Variants in CHM observed in about 807,000 individuals in gnomAD.
The protein encoded by CHM is rab proteins geranylgeranyltransferase component A 1.
In CHM, 10 loss-of-function variants were observed where a neutral mutation model predicts 49.0. The ratio of observed to expected loss-of-function variants is 0.20; its 90% CI spans 0.13 to 0.35. The LOEUF (loss-of-function observed/expected upper bound fraction) is 0.35. Among genes scored for constraint, CHM ranks in the 10% least tolerant of loss-of-function variants. The pLI is 1.00. For missense variants in CHM, 455 were observed against 478.4 expected (o/e 0.95, Z 0.46); for synonymous variants, 184 against 167.5 (o/e 1.10, Z -0.76).
intron 5 of CHM, among the ~76,000 whole-genome samples, chrX:85,962,829 T>C (rs1287073552): frequency 9.0e-6 from 1 of 111,561 alleles, no homozygotes; most frequent in Non-Finnish European, 1.9e-5. Context: ...TGCAATATTG[T>C]ACGCTTCTAA....
chrX:85,877,944 G>A lies in CHM; in HGVS notation c.1609+1021C>T, dbSNP rs1924515959. Among the ~76,000 whole-genome samples, 3 of 111,648 alleles carry A rather than the reference G, an allele frequency of 2.7e-5. No homozygotes were observed. The South Asian group carries it at 1.1e-3, about 42-fold the overall frequency. ...GATATATAAATCAATGGAAGAAAAT[G>A]ATCAAGATTCAAGTGCACATGCAAA... On this transcript the variant is annotated intron_variant, in intron 13 of 14. Transcript: ENST00000357749.
At chrX:85,900,370 G>A (rs753770128) in intron 11 of CHM, among the ~76,000 whole-genome samples, 2 of 111,235 alleles carry the variant, frequency 1.8e-5, no homozygotes, top group South Asian at 7.5e-4. Context: ...AGGCAAAATG[G>A]GGAGACGTTG....
chrX:85,924,413 C>T (rs1349217613), intron 8 of CHM, among the ~76,000 whole-genome samples: 7 of 111,527 alleles, frequency 6.3e-5, no homozygotes, highest in Non-Finnish European at 1.9e-5. Context: ...AAAGCAGTCT[C>T]CCCCATGAAA....
chrX:86,034,013 T>A (rs1934139300), intron 1 of CHM, among the ~76,000 whole-genome samples: 1 of 111,644 alleles, frequency 9.0e-6, no homozygotes, highest in African/African-American at 3.3e-5. Flanking sequence ...CCTTTAGGGA[T>A]GGCTAATAAA....
At chrX:86,038,022 T>G (rs188790499) in intron 1 of CHM, among the ~76,000 whole-genome samples, 42 of 111,889 alleles carry the variant, frequency 3.8e-4, no homozygotes, top group African/African-American at 1.3e-3. Context: ...TGCACAAGTA[T>G]TTCAGTGGGA....
chrX:85,993,522 C>T (rs1210533861), intron 2 of CHM, among the ~76,000 whole-genome samples: 3 of 112,130 alleles, frequency 2.7e-5, no homozygotes, highest in Admixed American at 1.9e-4. Flanking sequence ...ATTCAATCTT[C>T]ACACTACTGC....
At chrX:85,924,255 C>G (rs781653134) in intron 8 of CHM, among the ~76,000 whole-genome samples, 1 of 111,213 alleles carries the variant, frequency 9.0e-6, no homozygotes, top group African/African-American at 3.3e-5. Context: ...AGATGGTGAC[C>G]TAAAGCAAGG....
chrX:85,972,640 C>T (rs1396196929), intron 4 of CHM, among the ~76,000 whole-genome samples: 3 of 112,742 alleles, frequency 2.7e-5, no homozygotes, highest in Non-Finnish European at 5.7e-5. Context: ...CAGGGCTGGC[C>T]GGCCGCTCCG....
chrX:85,979,788 C>T (rs948694924), intron 3 of CHM, among the ~76,000 whole-genome samples: 1 of 111,916 alleles, frequency 8.9e-6, no homozygotes, highest in African/African-American at 3.2e-5. Flanking sequence ...TTACAAATGT[C>T]ATAAAGGCAA....
At chrX:86,010,336 T>C (rs1398230514) in intron 2 of CHM, among the ~76,000 whole-genome samples, 50 of 101,490 alleles carry the variant, frequency 4.9e-4, no homozygotes, top group African/African-American at 1.8e-3. Context: ...ACATGTACCC[T>C]AGAACTTAAA....
intron 2 of CHM, among the ~76,000 whole-genome samples, chrX:86,016,493 G>A (rs949114174): frequency 5.3e-5 from 6 of 112,555 alleles, no homozygotes; most frequent in Admixed American, 2.8e-4. Context: ...TCCAGCCTTG[G>A]CTGAAAGGGG....
At chrX:85,934,147 A>AT (rs1928616753) in intron 8 of CHM, among the ~76,000 whole-genome samples, 1 of 108,602 alleles carries the variant, frequency 9.2e-6, no homozygotes, top group South Asian at 4.1e-4. Flanking sequence ...CACCAGTTTA[A>AT]TTTTTTGTAT....
At chrX:85,913,380 G>GAAAGAAAGAAAGAAAGA (rs1569411240) in intron 8 of CHM, among the ~76,000 whole-genome samples, 2 of 94,718 alleles carry the variant, frequency 2.1e-5, no homozygotes, top group Non-Finnish European at 4.3e-5. Context: ...AAGAAAGAAA[G>GAAAGAAAGAAAGAAAGA]AAAGAAAAAA....
intron 12 of CHM, among the ~76,000 whole-genome samples, chrX:85,892,876 A>C (rs1048085350): frequency 9.0e-6 from 1 of 111,615 alleles, no homozygotes; most frequent in Non-Finnish European, 1.9e-5. Context: ...CAGAACTCAC[A>C]TAACAATCTG....
intron 8 of CHM, among the ~76,000 whole-genome samples, chrX:85,945,841 T>C (rs1365133319): frequency 8.9e-6 from 1 of 111,822 alleles, no homozygotes; most frequent in Non-Finnish European, 1.9e-5. Context: ...TAAATGGCTC[T>C]GATCAAAATG....
intron 2 of CHM, among the ~76,000 whole-genome samples, chrX:86,018,794 T>C (rs752980487): frequency 3.6e-5 from 4 of 111,795 alleles, no homozygotes; most frequent in Non-Finnish European, 7.5e-5. Context: ...GCCAAAAGTT[T>C]ACAAACTGTA....
chrX:86,043,311 T>C (rs1220608482), intron 1 of CHM, among the ~76,000 whole-genome samples: 1 of 111,792 alleles, frequency 8.9e-6, no homozygotes, highest in Admixed American at 9.5e-5. Context: ...CTAAACACTA[T>C]CTAGCAAGAT....
chrX:85,909,433 A>G (rs191762668), intron 9 of CHM, among the ~76,000 whole-genome samples: 1 of 111,073 alleles, frequency 9.0e-6, no homozygotes, highest in East Asian at 2.8e-4. Context: ...AAAACTGCAA[A>G]TTACTGCATT....
intron 12 of CHM, among the ~76,000 whole-genome samples, chrX:85,887,343 T>G (rs1461403839): frequency 5.4e-5 from 6 of 111,607 alleles, no homozygotes; most frequent in African/African-American, 2.0e-4. Flanking sequence ...TCTCTCTCTT[T>G]GCCTGCTGCC....
Sources: allele counts gnomAD v4.1 joint callset (sites outside exome capture counted in the v4.1 genomes callset), GRCh38; gene constraint gnomAD v4.1.1; transcripts MANE v1.5; gene names NCBI Gene and HGNC (gene_info 2026-07-23, HGNC 2026-07-21).